Variants in LPP observed in about 807,000 individuals in gnomAD.
LPP encodes lipoma-preferred partner.
Under a neutral mutation model 60.4 loss-of-function variants are expected in LPP, and 38 were observed. The ratio of observed to expected loss-of-function variants is 0.63; its 90% CI spans 0.49 to 0.83. The LOEUF is 0.83. Among genes scored for constraint, LPP ranks in the 40% least tolerant of loss-of-function variants. The pLI is 0.00. For synonymous variants in LPP, 328 were observed against 290.8 expected, an observed-to-expected ratio of 1.13 and a Z score of -1.30; for missense variants, 902 against 783.6, an observed-to-expected ratio of 1.15 and a Z score of -1.80.
chr3:188,833,562 G>T (rs1196730576), intron 9 of LPP, among the ~76,000 whole-genome samples: 1 of 152,092 alleles, frequency 6.6e-6, no homozygotes, highest in Non-Finnish European at 1.5e-5. Flanking sequence ...CTGTCTGCAG[G>T]CAAAACTGGT....
rs1045589159 is a variant in LPP at position 188,431,306 on chromosome 3, C to G, written c.193+24993C>G. The stretch of plus-strand genomic sequence containing the variant: ...CATTTTTTTCAGAAGTAGAGAAAGG[C>G]AAAGCTAGAGTCACCGAGGGATTGG... On this transcript the variant is annotated intron_variant, in intron 4 of 11. Coordinates refer to ENST00000617246, the MANE Select transcript of LPP (RefSeq NM_001375462.1). 2.0e-5 allele frequency among the ~76,000 whole-genome samples: 3 copies of G among 152,062 alleles called. No individual in the cohort carries two copies. In the East Asian group the frequency reaches 5.8e-4, roughly 29 times the overall value.
At chr3:188,202,207 T>TTGAA (rs1274078695) in intron 1 of LPP, among the ~76,000 whole-genome samples, 2 of 152,062 alleles carry the variant, frequency 1.3e-5, no homozygotes, top group Non-Finnish European at 2.9e-5. Context: ...GTAATGCTTT[T>TTGAA]TGAATGAATG....
At position 188,609,781 on chromosome 3, in the gene LPP, T is replaced by C. The variant is rs765813473; in HGVS notation, c.1050T>C (p.Gly350=). 5.6e-6 allele frequency: 9 copies of C among 1,613,926 alleles called. No homozygotes were observed. Among genetic ancestry groups the C allele is most frequent in the South Asian group, 2.2e-5 (2 of 91,076 alleles). ...CTCCTGGGATGTATCCAGTCACTGG[T>C]CCCAAGAAGACCTATATCACAGATC... The part of the protein sequence containing the change: ...QNPPGMYPVT[G]PKKTYITDPV... Residue 350 remains glycine (G), a synonymous_variant, in exon 7 of 12, where the codon GGT becomes GGC. Coordinates refer to ENST00000617246, the MANE Select transcript of LPP (RefSeq NM_001375462.1). This position sits in a 1 kb window ranked among gnomAD's most constrained non-coding sequence, Gnocchi z 6.9.
At chr3:188,872,826 G>A in intron 11 of LPP, 63 bp downstream of exon 11, 4 of 1,604,798 alleles carry the variant, frequency 2.5e-6, no homozygotes, top group Non-Finnish European at 3.4e-6. Context: ...TTCGAGCTAG[G>A]TTTACATAGA....
rs535108516 is a variant in LPP, at chr3:188,886,652, T to G, written c.*12173T>G. The G allele has an allele frequency of 6.4e-4, 141 of 218,712 alleles. No individual in the cohort carries two copies. The highest frequency in any genetic ancestry group is 1.4e-3 in the Middle Eastern group (1 of 698). The allele number at this position is 218,712 out of a possible 1,614,324, so 13.5% of individuals were successfully genotyped here. A position where few individuals can be genotyped will look rare whatever the true frequency, so the allele number is the denominator to read the frequency against. ...ATATAAAGAAAAAACTAATAAAAAT[T>G]TTCGTATTTCACTTTACATAATATG... On this transcript the variant is annotated 3_prime_UTR_variant, in exon 12 of 12. Coordinates refer to ENST00000617246, the MANE Select transcript of LPP (RefSeq NM_001375462.1).
chr3:188,733,097 C>T (rs1028817083), intron 8 of LPP, among the ~76,000 whole-genome samples: 2 of 152,098 alleles, frequency 1.3e-5, no homozygotes, highest in African/African-American at 4.8e-5. Flanking sequence ...CATAGTCAGG[C>T]CCACATTTGA....
rs929653145 is a variant in LPP, at chr3:188,746,889, A to G, written c.1241-13224A>G. Among the ~76,000 whole-genome samples, 9 of 152,170 alleles carry G rather than the reference A, an allele frequency of 5.9e-5. 1 individual carries two copies. Among genetic ancestry groups the G allele is most frequent in the Admixed American group, 5.9e-4 (9 of 15,264 alleles). On this transcript the variant is annotated intron_variant, in intron 8 of 11. Transcript: ENST00000617246. Reference sequence around the variant, plus strand: ...ATTTTGTAACTTTTATAATGTGTCAATAAGTTTGAAGTCTTGAAGGGCTGC... The same window carrying G: ...ATTTTGTAACTTTTATAATGTGTCAGTAAGTTTGAAGTCTTGAAGGGCTGC...
chr3:188,219,949 C>T (rs1470054433), intron 1 of LPP, among the ~76,000 whole-genome samples: 2 of 152,204 alleles, frequency 1.3e-5, no homozygotes, highest in Non-Finnish European at 2.9e-5. Flanking sequence ...CCTGCTCTCC[C>T]ATCCATTAGA....
At chr3:188,693,206 C>T (rs2149491456) in intron 7 of LPP, among the ~76,000 whole-genome samples, 1 of 152,216 alleles carries the variant, frequency 6.6e-6, no homozygotes, top group East Asian at 1.9e-4. Flanking sequence ...ATTTCTAGAA[C>T]CAGAATGGTC....
At chr3:188,459,320 C>T (rs1477544560) in intron 4 of LPP, among the ~76,000 whole-genome samples, 1 of 151,894 alleles carries the variant, frequency 6.6e-6, no homozygotes, top group Non-Finnish European at 1.5e-5. Flanking sequence ...TTTGAATGAA[C>T]ACGCCCAGAA....
chr3:188,770,936 G>T (rs950404352), intron 9 of LPP, among the ~76,000 whole-genome samples: 1 of 152,156 alleles, frequency 6.6e-6, no homozygotes, highest in African/African-American at 2.4e-5. Flanking sequence ...TTGTAAAACA[G>T]TTTGAAAACA....
chr3:188,595,449 C>T lies in LPP; in HGVS notation c.430-13712C>T, dbSNP rs556321091. On this transcript the variant is annotated intron_variant, in intron 6 of 11. Transcript: ENST00000617246. ...ATGAGGATTTCAGCAGTTGTGCTGA[C>T]ACCTTGATCTTGGGCTAGCCACCCT... Among the ~76,000 whole-genome samples the T allele has an allele frequency of 3.9e-5, 6 of 152,330 alleles. No individual in the cohort carries two copies. In the East Asian group the frequency reaches 1.2e-3, roughly 29 times the overall value.
At chr3:188,359,800 T>C (rs1303092455) in intron 3 of LPP, among the ~76,000 whole-genome samples, 1 of 152,180 alleles carries the variant, frequency 6.6e-6, no homozygotes, top group Non-Finnish European at 1.5e-5. Context: ...GAGATTCTCC[T>C]CTGAAGAGCC....
At chr3:188,431,447 G>A (rs1032626790) in intron 4 of LPP, among the ~76,000 whole-genome samples, 3 of 152,150 alleles carry the variant, frequency 2.0e-5, no homozygotes, top group African/African-American at 7.2e-5. Flanking sequence ...AGTATAAAGA[G>A]CCATGATTTT....
chr3:188,800,493 C>T (rs1746852317), intron 9 of LPP, among the ~76,000 whole-genome samples: 1 of 152,102 alleles, frequency 6.6e-6, no homozygotes, highest in Non-Finnish European at 1.5e-5. Flanking sequence ...GATCCGCCCA[C>T]CTTGGCCTCC....
At chr3:188,464,366 T>TA (rs1799852803) in intron 4 of LPP, among the ~76,000 whole-genome samples, 1 of 152,172 alleles carries the variant, frequency 6.6e-6, no homozygotes. Flanking sequence ...AAAACATTTG[T>TA]AAAAATTAGT....
chr3:188,384,464 A>C (rs1777690621), intron 3 of LPP, among the ~76,000 whole-genome samples: 2 of 152,068 alleles, frequency 1.3e-5, no homozygotes, highest in Non-Finnish European at 2.9e-5. Context: ...GAAGGGACTC[A>C]AACCATCTTC....
chr3:188,760,253 A>G lies in LPP; in HGVS notation c.1381A>G (p.Lys461Glu). Reference protein sequence around the residue: ...LRGQPFYAVEKKAYCEPCYIN... With the variant: ...LRGQPFYAVEEKAYCEPCYIN... ...AGGGCAGCCATTCTATGCTGTGGAA[A>G]AGAAAGCATACTGCGAGCCCTGCTA... Residue 461 changes from lysine to glutamate, a missense_variant, in exon 9 of 12, where the codon AAG becomes GAG. Coordinates refer to ENST00000617246, the MANE Select transcript of LPP (RefSeq NM_001375462.1). 1 of 1,614,148 alleles carries G rather than the reference A, an allele frequency of 6.2e-7. No individual in the cohort carries two copies. Among genetic ancestry groups the G allele is most frequent in the Non-Finnish European group, 8.5e-7 (1 of 1,180,010 alleles).
intron 2 of LPP, among the ~76,000 whole-genome samples, chr3:188,334,554 C>A (rs1226028675): frequency 1.3e-5 from 2 of 151,612 alleles, no homozygotes; most frequent in African/African-American, 4.8e-5. Flanking sequence ...CCTCAGCCTC[C>A]CGAGTAGCTG....
Sources: allele counts gnomAD v4.1 joint callset (sites outside exome capture counted in the v4.1 genomes callset), GRCh38; gene constraint gnomAD v4.1.1; non-coding constraint Gnocchi (gnomAD v3.1); transcripts MANE v1.5; gene names NCBI Gene and HGNC (gene_info 2026-07-23, HGNC 2026-07-21).